The following ZNF385C variants were observed in gnomAD, a reference collection of about 807,000 sequenced individuals.
ZNF385C encodes the protein zinc finger protein 385C.
Under a neutral mutation model 35.4 loss-of-function variants are expected in ZNF385C, and 28 were observed. The ratio of observed to expected loss-of-function variants is 0.79; its 90% CI spans 0.59 to 1.08. The LOEUF (loss-of-function observed/expected upper bound fraction) is 1.08. Ranked by LOEUF, ZNF385C falls within the 50% of genes least tolerant of loss-of-function variation. The probability of loss-of-function intolerance (pLI) is 0.00; values close to 1 mark genes in which losing one functional copy is unlikely to be tolerated. For missense variants in ZNF385C, 605 were observed against 595.6 expected (o/e 1.02, Z -0.16); for synonymous variants, 248 against 248.2 (o/e 1.00, Z 0.01).
At chr17:42,042,778 T>C in intron 2 of ZNF385C, 1 of 1,205,268 alleles carries the variant, frequency 8.3e-7, no homozygotes, top group Non-Finnish European at 1.0e-6. Context: ...TGTTCCCAGG[T>C]GGCTCAGTGT....
intron 2 of ZNF385C, among the ~76,000 whole-genome samples, chr17:42,045,218 A>AT (rs1237004501): frequency 7.2e-6 from 1 of 139,764 alleles, no homozygotes; most frequent in East Asian, 2.1e-4. Context: ...CGCCCAGCCA[A>AT]TTTTTTATAT....
Position 42,063,032 on chromosome 17 carries a change from G to T in ZNF385C, c.25C>A (p.Pro9Thr). The T allele has an allele frequency of 1.5e-6, 1 of 665,838 alleles. No homozygotes were observed. The highest frequency in any genetic ancestry group is 2.7e-6 in the Non-Finnish European group (1 of 369,580). The allele number at this position is 665,838 out of a possible 1,614,324, so 41.2% of individuals were successfully genotyped here. A position where few individuals can be genotyped will look rare whatever the true frequency, so the allele number is the denominator to read the frequency against. The change falls in exon 2 of 9, where the codon CCA (proline) becomes ACA (threonine). Residue 9 changes from proline to threonine, a missense_variant. Coordinates refer to ENST00000692273, the MANE Select transcript of ZNF385C (RefSeq NM_001392013.1). ...ATGGGGGTCTCCTTCTCAGCCGGTG[G>T]GGGTGGGCTCAGTGGCCGCTTCATA... is the stretch of plus-strand genomic sequence containing the variant. The part of the protein sequence containing the change: MKRPLSPP[P>T]PAEKETPISG...
At chr17:42,069,131 G>A (rs191371065) in intron 1 of ZNF385C, among the ~76,000 whole-genome samples, 4 of 152,360 alleles carry the variant, frequency 2.6e-5, no homozygotes, top group African/African-American at 9.6e-5. Context: ...GGCTGAGGCT[G>A]CTGCAGAGAG....
At chr17:42,093,249 G>A (rs2053881728) in intron 1 of ZNF385C, among the ~76,000 whole-genome samples, 1 of 151,814 alleles carries the variant, frequency 6.6e-6, no homozygotes, top group South Asian at 2.1e-4. Context: ...GGGGCCCGGG[G>A]TGGGTGGGCT....
intron 3 of ZNF385C, among the ~76,000 whole-genome samples, chr17:42,036,958 A>C (rs1471006675): frequency 6.6e-6 from 1 of 152,236 alleles, no homozygotes. Flanking sequence ...TTAAAAAAAC[A>C]GAGATGGTTG....
intron 1 of ZNF385C, among the ~76,000 whole-genome samples, chr17:42,089,318 A>T (rs1433735040): frequency 6.7e-6 from 1 of 148,790 alleles, no homozygotes; most frequent in East Asian, 1.9e-4. Context: ...CCTGTCTCTA[A>T]ATAAATAAAT....
intron 4 of ZNF385C, 73 bp downstream of exon 4, chr17:42,034,152 T>C: frequency 1.6e-6 from 2 of 1,234,882 alleles, no homozygotes; most frequent in Non-Finnish European, 2.3e-6. Context: ...CCAGAAGGAC[T>C]CTGAAAGCCC....
At chr17:42,055,636 G>A (rs1192819656) in intron 2 of ZNF385C, among the ~76,000 whole-genome samples, 1 of 152,172 alleles carries the variant, frequency 6.6e-6, no homozygotes, top group Non-Finnish European at 1.5e-5. Flanking sequence ...GGGAGAAAAC[G>A]GCAACCCAGG....
At position 42,034,169 on chromosome 17, in the gene ZNF385C, CA is replaced by C. The variant is rs1310216469; in HGVS notation, c.510+55del. On this transcript the variant is annotated intron_variant, in intron 4 of 8. Transcript: ENST00000692273. ...AGAAGGACTCTGAAAGCCCAGCCTC[CA>C]GCCCTCTCCCTGCCCAGCCCCCTCC... 2.9e-6 allele frequency: 4 copies of C among 1,400,546 alleles called. No individual in the cohort carries two copies. The African/African-American group carries it at 5.7e-5, about 20-fold the overall frequency. The allele number at this position is 1,400,546 out of a possible 1,614,324, so 86.8% of individuals were successfully genotyped here.
At chr17:42,039,519 C>T in intron 2 of ZNF385C, 1 of 421,872 alleles carries the variant, frequency 2.4e-6, no homozygotes, top group Non-Finnish European at 3.8e-6. Flanking sequence ...TTGAGCCAGT[C>T]CCTTCCTCCA....
Position 42,028,077 on chromosome 17 carries a change from C to A in ZNF385C, c.1137G>T (p.Gln379His). Residue 379 changes from glutamine (Q) to histidine (H), a missense_variant, in exon 7 of 9, where the codon CAG becomes CAT. Coordinates refer to ENST00000692273, the MANE Select transcript of ZNF385C (RefSeq NM_001392013.1). ...GCTTCAGTTGGGTCTCTGAATTGAC[C>A]TGGAGCTGACAGAGAGCACAGTGGA... ...PAFHCALCQLQVNSETQLKQH... is the reference protein window; with the variant it reads ...PAFHCALCQLHVNSETQLKQH... 1 of 1,614,040 alleles carries A rather than the reference C, an allele frequency of 6.2e-7. No individual in the cohort carries two copies. The highest frequency in any genetic ancestry group is 8.5e-7 in the Non-Finnish European group (1 of 1,179,988).
At chr17:42,032,864 C>T (rs1169435635) in intron 4 of ZNF385C, among the ~76,000 whole-genome samples, 2 of 152,028 alleles carry the variant, frequency 1.3e-5, no homozygotes, top group Admixed American at 1.3e-4. Flanking sequence ...AGGCACCTGT[C>T]ACCACAACTG....
rs781975186 is a variant in ZNF385C at position 42,027,051 on chromosome 17, G to C, written c.1358C>G (p.Ala453Gly). Residue 453 changes from alanine (A) to glycine (G), a missense_variant, in exon 9 of 9, where the codon GCC becomes GGC. By Grantham distance (60) the Ala-to-Gly change is moderately conservative (BLOSUM62 0). Transcript: ENST00000692273. ...CAGGGGCCCTGGCAGAGCACAGATG[G>C]CAGTGGCTGCGGTGGGGAGCGGGCT... ...LPSPLPTAAT[A>G]ICALPGPLAL... is the part of the protein sequence containing the mutation. The C allele has an allele frequency of 6.2e-7, 1 of 1,609,452 alleles. No individual in the cohort carries two copies. Among genetic ancestry groups the C allele is most frequent in the South Asian group, 1.1e-5 (1 of 90,308 alleles).
At chr17:42,066,057 CTGTT>C (rs2053542867) in intron 1 of ZNF385C, among the ~76,000 whole-genome samples, 1 of 150,822 alleles carries the variant, frequency 6.6e-6, no homozygotes, top group South Asian at 2.1e-4. Flanking sequence ...GTTTGTTTGT[CTGTT>C]TTGTTTTGTT....
intron 2 of ZNF385C, among the ~76,000 whole-genome samples, chr17:42,049,281 C>T (rs1477046453): frequency 6.6e-6 from 1 of 152,146 alleles, no homozygotes; most frequent in African/African-American, 2.4e-5. Context: ...GTCATTGCTC[C>T]CTGTTTGTTC....
chr17:42,029,467 C>T (rs911790832), intron 5 of ZNF385C, among the ~76,000 whole-genome samples: 4 of 152,156 alleles, frequency 2.6e-5, no homozygotes, highest in African/African-American at 4.8e-5. Flanking sequence ...GTCTGTAATC[C>T]GAGCACTTTG....
intron 1 of ZNF385C, among the ~76,000 whole-genome samples, chr17:42,090,281 T>C (rs1357338725): frequency 1.0e-5 from 1 of 96,232 alleles, no homozygotes; most frequent in Non-Finnish European, 2.0e-5. Context: ...TATTCCCTTT[T>C]TTTTTTTTTT....
At chr17:42,062,576 A>G (rs12948219) in intron 2 of ZNF385C, 7,959 of 385,842 alleles carry the variant, frequency 0.021, 102 homozygotes, top group Non-Finnish European at 0.027. Context: ...AAGACCCAAG[A>G]GGCGGCCTAA....
intron 2 of ZNF385C, chr17:42,042,725 T>G (rs1431378533): frequency 4.9e-6 from 4 of 817,618 alleles, no homozygotes; most frequent in Non-Finnish European, 6.6e-6. Flanking sequence ...AAGATATGAA[T>G]GAAATGCCCT....
Sources: allele counts gnomAD v4.1 joint callset (sites outside exome capture counted in the v4.1 genomes callset), GRCh38; gene constraint gnomAD v4.1.1; transcripts MANE v1.5; gene names NCBI Gene and HGNC (gene_info 2026-07-23, HGNC 2026-07-21).